The following OPRK1 variants were observed in gnomAD, a reference collection of about 807,000 sequenced individuals.
OPRK1 encodes kappa-type opioid receptor.
In OPRK1, 15 loss-of-function variants were observed where a neutral mutation model predicts 24.5. That is an observed-to-expected ratio of 0.61 (90% CI 0.41 to 0.94). The LOEUF (loss-of-function observed/expected upper bound fraction) is 0.94. Ranked by LOEUF, OPRK1 falls within the 40% of genes least tolerant of loss-of-function variation. The probability of loss-of-function intolerance (pLI) is 0.00; values close to 1 mark genes in which losing one functional copy is unlikely to be tolerated. For missense variants in OPRK1, 479 were observed against 507.3 expected, an observed-to-expected ratio of 0.94 and a Z score of 0.54; for synonymous variants, 205 against 198.0, an observed-to-expected ratio of 1.04 and a Z score of -0.30.
chr8:53,251,254 GC>G, intron 1 of OPRK1, 169 bp from the exon 2 acceptor site: 1 of 709,462 alleles, frequency 1.4e-6, no homozygotes. Context: ...CAGGCGCGCC[GC>G]TGGGTGCCAG....
intron 3 of OPRK1, among the ~76,000 whole-genome samples, chr8:53,230,219 T>C (rs1806818904): frequency 6.6e-6 from 1 of 152,098 alleles, no homozygotes; most frequent in Non-Finnish European, 1.5e-5. Context: ...CCTAAGGCTC[T>C]GGCAATAAAA....
At position 53,241,247 on chromosome 8, in the gene OPRK1, C is replaced by CT. The variant is rs540834928; in HGVS notation, c.258-6137dup. Among the ~76,000 whole-genome samples, 28 of 152,296 alleles carry CT rather than the reference C, an allele frequency of 1.8e-4. No individual in the cohort carries two copies. The East Asian group carries it at 5.2e-3, about 28-fold the overall frequency. ...AAGAATGATGACCGTGCTGACGTGA[C>CT]TTTTCAGTGGAACTTACTTAAAAAC... On this transcript the variant is annotated intron_variant, in intron 2 of 3. Transcript: ENST00000265572.
chr8:53,235,445 C>A (rs1806967399), intron 2 of OPRK1, among the ~76,000 whole-genome samples: 1 of 152,110 alleles, frequency 6.6e-6, no homozygotes, highest in Non-Finnish European at 1.5e-5. Flanking sequence ...CTTAATCCTG[C>A]CCAGAGTCGC....
chr8:53,234,612 T>G (rs1806941663), intron 3 of OPRK1, 147 bp downstream of exon 3: 2 of 668,372 alleles, frequency 3.0e-6, no homozygotes, highest in Admixed American at 5.8e-5. Flanking sequence ...TTGTTCTACT[T>G]CTCATCTTCC....
At chr8:53,250,340 G>C (rs915588055) in intron 2 of OPRK1, among the ~76,000 whole-genome samples, 1 of 152,190 alleles carries the variant, frequency 6.6e-6, no homozygotes, top group Non-Finnish European at 1.5e-5. Flanking sequence ...TATCTTCAGT[G>C]CATTGGGTGG....
rs940096919 is a variant in OPRK1, at chr8:53,238,524, A to G, written c.258-3413T>C. On this transcript the variant is annotated intron_variant, in intron 2 of 3. Transcript: ENST00000265572. ...GCCGGGAAAGAGGGCTTACCTGGGG[A>G]ACTTGAGTTGTGAGCACCGGGAAGG... 3 of 985,430 alleles carry G rather than the reference A, an allele frequency of 3.0e-6. No individual in the cohort carries two copies. In the African/African-American group the frequency reaches 5.2e-5, roughly 17 times the overall value. 61.0% of individuals were successfully genotyped at this position (985,430 alleles called of 1,614,324 possible).
intron 3 of OPRK1, among the ~76,000 whole-genome samples, chr8:53,231,477 C>T (rs75460983): frequency 3.6e-4 from 55 of 152,210 alleles, no homozygotes; most frequent in African/African-American, 1.3e-3. Flanking sequence ...ACTTCAGAGA[C>T]GTTTAGATGG....
At chr8:53,244,667 C>T (rs759335028) in intron 2 of OPRK1, among the ~76,000 whole-genome samples, 1 of 152,176 alleles carries the variant, frequency 6.6e-6, no homozygotes, top group Non-Finnish European at 1.5e-5. Context: ...GACAAAATTT[C>T]CTTGTTTATC....
rs1414749831 is a variant in OPRK1, at chr8:53,227,042, G to A, written c.*2255C>T. Reference sequence around the variant, plus strand: ...GGAGGCCGAGGCAGGTGAATATTCTGAGGTCAGGAGTTTGAGACCAGCCTG... The same window carrying A: ...GGAGGCCGAGGCAGGTGAATATTCTAAGGTCAGGAGTTTGAGACCAGCCTG... On this transcript the variant is annotated 3_prime_UTR_variant, in exon 4 of 4. Coordinates refer to ENST00000265572, the MANE Select transcript of OPRK1 (RefSeq NM_000912.5). The A allele has an allele frequency of 6.6e-6, 1 of 152,302 alleles. No individual in the cohort carries two copies. Among genetic ancestry groups the A allele is most frequent in the African/African-American group, 2.4e-5 (1 of 41,460 alleles). 9.4% of individuals were successfully genotyped at this position (152,302 alleles called of 1,614,324 possible). A position where few individuals can be genotyped will look rare whatever the true frequency, so the allele number is the denominator to read the frequency against.
rs201324844 is a variant in OPRK1, at chr8:53,245,630, ATAAT to A, written c.257+5147_257+5150del. On this transcript the variant is annotated intron_variant, in intron 2 of 3. Transcript: ENST00000265572. Reference sequence around the variant, plus strand: ...GAATGGATAACTGGGAGAGAGAGAGATAATTAGATTTAGGATTTGTCAGAATGTA... The same window carrying A: ...GAATGGATAACTGGGAGAGAGAGAGATAGATTTAGGATTTGTCAGAATGTA... Among the ~76,000 whole-genome samples, 795 of 152,266 alleles carry A rather than the reference ATAAT, an allele frequency of 5.2e-3. 4 individuals are homozygous for A. Among genetic ancestry groups the A allele is most frequent in the African/African-American group, 0.018 (744 of 41,550 alleles).
intron 2 of OPRK1, among the ~76,000 whole-genome samples, chr8:53,243,208 G>C (rs1585637096): frequency 6.6e-6 from 1 of 152,160 alleles, no homozygotes; most frequent in Non-Finnish European, 1.5e-5. Context: ...GAGATTTTTA[G>C]CTGAGCACAG....
chr8:53,241,995 A>C (rs1296245914), intron 2 of OPRK1, among the ~76,000 whole-genome samples: 1 of 152,258 alleles, frequency 6.6e-6, no homozygotes, highest in Non-Finnish European at 1.5e-5. Flanking sequence ...GGTTATGTGC[A>C]GGGTGAGCGC....
chr8:53,233,247 C>G (rs1806898828), intron 3 of OPRK1, among the ~76,000 whole-genome samples: 1 of 152,166 alleles, frequency 6.6e-6, no homozygotes, highest in African/African-American at 2.4e-5. Flanking sequence ...AAACTCCAGG[C>G]TCTGAGTGAT....
chr8:53,230,279 C>T lies in OPRK1; in HGVS notation c.611-450G>A, dbSNP rs116808096. On this transcript the variant is annotated intron_variant, in intron 3 of 3. Transcript: ENST00000265572. ...TGACTAAATATTTCAAATCTAGCCA[C>T]TGAATTTAACAAAAGCCAACTTGTT... 3.4e-3 allele frequency among the ~76,000 whole-genome samples: 512 copies of T among 152,214 alleles called. 6 individuals carry two copies. Among genetic ancestry groups the T allele is most frequent in the African/African-American group, 0.012 (494 of 41,512 alleles).
chr8:53,237,790 T>C (rs537226145), intron 2 of OPRK1, among the ~76,000 whole-genome samples: 1 of 152,328 alleles, frequency 6.6e-6, no homozygotes, highest in East Asian at 1.9e-4. Context: ...CTACTGCCCT[T>C]CTAGTTTACC....
chr8:53,233,933 C>CA (rs1354413072), intron 3 of OPRK1, among the ~76,000 whole-genome samples: 29 of 152,220 alleles, frequency 1.9e-4, no homozygotes, highest in African/African-American at 6.3e-4. Context: ...CGCAGTGGCT[C>CA]ACGCCTGTAA....
intron 2 of OPRK1, among the ~76,000 whole-genome samples, chr8:53,240,417 T>TG (rs1366411623): frequency 6.6e-6 from 1 of 152,146 alleles, no homozygotes; most frequent in Non-Finnish European, 1.5e-5. Context: ...TGTGATCAAA[T>TG]GCCATGGACC....
Position 53,250,980 on chromosome 8 carries a change from C to T in OPRK1, c.58G>A (p.Ala20Thr). Residue 20 changes from alanine to threonine, a missense_variant, in exon 2 of 4, where the codon GCC becomes ACC. By Grantham distance (58) the Ala-to-Thr change is moderately conservative (BLOSUM62 0). Transcript: ENST00000265572. ...GCGCTGCTGTTGGGGGGCAGGCAGG[C>T]GCTCGGGGCGCAGGTAGGGCCCGGC... ...GEPGPTCAPS[A>T]CLPPNSSAWF... The T allele has an allele frequency of 6.3e-7, 1 of 1,597,690 alleles. No homozygotes were observed. The highest frequency in any genetic ancestry group is 8.5e-7 in the Non-Finnish European group (1 of 1,172,746).
rs199869774 is a variant in OPRK1 at position 53,229,276 on chromosome 8, C to T, written c.*21G>A. 22 of 1,599,782 alleles carry T rather than the reference C, an allele frequency of 1.4e-5. 1 individual carries two copies. In the South Asian group the frequency reaches 1.9e-4, roughly 14 times the overall value. On this transcript the variant is annotated 3_prime_UTR_variant, in exon 4 of 4. Transcript: ENST00000265572. ...ACTCCTCTCTTCCCGAAGAACTGTACGAAGACATCTCCACGACTAGTCATA... is the reference window on the plus strand; with the variant it reads ...ACTCCTCTCTTCCCGAAGAACTGTATGAAGACATCTCCACGACTAGTCATA...
Sources: gnomAD v4.1 joint callset for allele counts (sites outside exome capture counted in the v4.1 genomes callset) on GRCh38, gnomAD v4.1.1 for gene constraint, MANE v1.5 for transcripts, NCBI Gene and HGNC (gene_info 2026-07-23, HGNC 2026-07-21) for gene names.